The following FHAD1 variants were observed in gnomAD, a reference collection of about 807,000 sequenced individuals.
The protein encoded by FHAD1 is forkhead-associated domain-containing protein 1.
A neutral mutation model predicts 191.3 loss-of-function variants in FHAD1; 146 were observed. That is an observed-to-expected ratio of 0.76 (90% confidence interval 0.67 to 0.88). The LOEUF (loss-of-function observed/expected upper bound fraction) is 0.88. Among genes scored for constraint, FHAD1 ranks in the 40% least tolerant of loss-of-function variants. The pLI is 0.00. For synonymous variants in FHAD1, 616 were observed against 672.3 expected (o/e 0.92, Z 1.29); for missense variants, 1,635 against 1,785.8 (o/e 0.92, Z 1.52).
chr1:15,375,047 G>A (rs1304434680), intron 27 of FHAD1, among the ~76,000 whole-genome samples: 8 of 151,826 alleles, frequency 5.3e-5, no homozygotes, highest in South Asian at 2.1e-4. Flanking sequence ...TAGTAGAGAC[G>A]GGATTTCACC....
chr1:15,388,450 A>C, intron 32 of FHAD1: 1 of 1,151,566 alleles, frequency 8.7e-7, no homozygotes, highest in Non-Finnish European at 1.1e-6. Context: ...ATATTCCAGC[A>C]CAGCTTCAGC....
upstream of FHAD1, among the ~76,000 whole-genome samples, chr1:15,246,268 C>T (rs569693059): frequency 2.0e-5 from 3 of 152,310 alleles, no homozygotes; most frequent in African/African-American, 7.2e-5. Flanking sequence ...TCCCACCAGG[C>T]CCCTCTTCCA....
At chr1:15,364,566 C>T (rs1695819153) in intron 23 of FHAD1, among the ~76,000 whole-genome samples, 1 of 152,052 alleles carries the variant, frequency 6.6e-6, no homozygotes, top group African/African-American at 2.4e-5. Context: ...GCTGAGATCA[C>T]GCCACTGCAC....
chr1:15,299,199 CAAAAA>C (rs35299485), intron 5 of FHAD1, among the ~76,000 whole-genome samples: 144 of 46,390 alleles, frequency 3.1e-3, no homozygotes, highest in African/African-American at 0.011. Flanking sequence ...GACCCTGTCT[CAAAAA>C]AAAAAAAAAA....
At chr1:15,314,620 G>GT (rs1673436689) in intron 8 of FHAD1, 1 of 150,392 alleles carries the variant, frequency 6.6e-6, no homozygotes. Context: ...TGTGGGTGTG[G>GT]GTGTGAGGAT....
chr1:15,286,884 C>G (rs758424463), intron 3 of FHAD1, among the ~76,000 whole-genome samples: 37 of 152,246 alleles, frequency 2.4e-4, no homozygotes, highest in Non-Finnish European at 4.7e-4. Flanking sequence ...GCCCTGCCTA[C>G]TGAATGTCCT....
chr1:15,321,137 T>C (rs141311347), intron 10 of FHAD1, among the ~76,000 whole-genome samples: 5,412 of 152,332 alleles, frequency 0.036, 172 homozygotes, highest in Admixed American at 0.088. Context: ...TTTCACCATG[T>C]TGGCCAGGAT....
chr1:15,377,655 A>G (rs1699978090), intron 28 of FHAD1, among the ~76,000 whole-genome samples: 1 of 151,994 alleles, frequency 6.6e-6, no homozygotes, highest in Non-Finnish European at 1.5e-5. Context: ...CCTGGGCAAC[A>G]TGGCGAGACC....
chr1:15,385,518 G>T (rs1037093193), intron 31 of FHAD1, among the ~76,000 whole-genome samples: 4 of 152,220 alleles, frequency 2.6e-5, no homozygotes, highest in African/African-American at 9.6e-5. Context: ...GGGCAGGGTA[G>T]CTCACGTCTG....
intron 3 of FHAD1, among the ~76,000 whole-genome samples, chr1:15,281,380 C>T (rs116834547): frequency 8.0e-4 from 122 of 152,228 alleles, no homozygotes; most frequent in African/African-American, 2.7e-3. Flanking sequence ...TATGAATAAG[C>T]GACATTAGTG....
intron 2 of FHAD1, among the ~76,000 whole-genome samples, chr1:15,263,136 T>C (rs1168478959): frequency 6.6e-6 from 1 of 152,234 alleles, no homozygotes; most frequent in African/African-American, 2.4e-5. Context: ...TTTGCACATT[T>C]TTTAATAGGG....
chr1:15,321,148 G>T (rs1676119575), intron 10 of FHAD1, among the ~76,000 whole-genome samples: 1 of 152,170 alleles, frequency 6.6e-6, no homozygotes, highest in South Asian at 2.1e-4. Context: ...TGGCCAGGAT[G>T]GTCTCCATCT....
At chr1:15,284,000 G>A (rs1054472294) in intron 3 of FHAD1, among the ~76,000 whole-genome samples, 1 of 152,188 alleles carries the variant, frequency 6.6e-6, no homozygotes, top group Non-Finnish European at 1.5e-5. Flanking sequence ...ACCACTTCCA[G>A]GCTTCAGGAC....
At chr1:15,358,364 C>A in intron 21 of FHAD1, 81 bp downstream of exon 21, 1 of 1,387,896 alleles carries the variant, frequency 7.2e-7, no homozygotes, top group Non-Finnish European at 9.7e-7. Context: ...TGGTTTAGAC[C>A]GGGGCTTCTC....
intron 2 of FHAD1, among the ~76,000 whole-genome samples, chr1:15,263,804 A>T (rs1652236691): frequency 6.6e-6 from 1 of 152,234 alleles, no homozygotes; most frequent in African/African-American, 2.4e-5. Context: ...TACAGGCGTG[A>T]GCCACTGTGC....
At chr1:15,345,287 A>G in intron 17 of FHAD1, 97 bp downstream of exon 17, 1 of 1,353,652 alleles carries the variant, frequency 7.4e-7, no homozygotes, top group South Asian at 1.3e-5. Flanking sequence ...TCTGAGCTCC[A>G]GGGCTGTGCT....
intron 18 of FHAD1, among the ~76,000 whole-genome samples, chr1:15,348,680 G>A (rs554358546): frequency 1.3e-5 from 2 of 152,260 alleles, no homozygotes; most frequent in South Asian, 2.1e-4. Flanking sequence ...GCCTGGCCTC[G>A]TGATAGGAAG....
intron 26 of FHAD1, among the ~76,000 whole-genome samples, chr1:15,371,976 A>T (rs1405916059): frequency 2.0e-5 from 3 of 152,240 alleles, no homozygotes; most frequent in Admixed American, 1.3e-4. Context: ...CCCTGGGAAT[A>T]GCACAGTCTT....
chr1:15,350,546 G>C (rs1197378823), intron 19 of FHAD1, among the ~76,000 whole-genome samples: 2 of 152,224 alleles, frequency 1.3e-5, no homozygotes, highest in Non-Finnish European at 2.9e-5. Context: ...GAAGGAAATA[G>C]GTGGGAGAGG....
Sources: gnomAD v4.1 joint callset for allele counts (sites outside exome capture counted in the v4.1 genomes callset) on GRCh38, gnomAD v4.1.1 for gene constraint, MANE v1.5 for transcripts, NCBI Gene and HGNC (gene_info 2026-07-23, HGNC 2026-07-21) for gene names.